The following SDK2 variants were observed in gnomAD, a reference collection of about 807,000 sequenced individuals.
The protein encoded by SDK2 is sidekick cell adhesion molecule 2.
In SDK2, 105 loss-of-function variants were observed where a neutral mutation model predicts 253.9. The ratio of observed to expected loss-of-function variants is 0.41; its 90% CI spans 0.35 to 0.49. The LOEUF (loss-of-function observed/expected upper bound fraction) is 0.49, where lower values mean the gene tolerates loss of function less well. Among genes scored for constraint, SDK2 ranks in the 20% least tolerant of loss-of-function variants. The pLI, the probability that SDK2 is intolerant of heterozygous loss-of-function variation, is 0.06. For missense variants in SDK2, 2,608 were observed against 3,003.0 expected, an observed-to-expected ratio of 0.87 and a Z score of 3.07; for synonymous variants, 1,249 against 1,234.9, an observed-to-expected ratio of 1.01 and a Z score of -0.24.
chr17:73,387,001 C>A (rs2062878007), intron 30 of SDK2, among the ~76,000 whole-genome samples: 1 of 152,172 alleles, frequency 6.6e-6, no homozygotes. Context: ...CACTCTGTTG[C>A]CCAGGCTGGA....
At chr17:73,389,813 G>A (rs1307208734) in intron 29 of SDK2, among the ~76,000 whole-genome samples, 2 of 152,176 alleles carry the variant, frequency 1.3e-5, no homozygotes, top group Non-Finnish European at 2.9e-5. Flanking sequence ...GCAGTGGTGC[G>A]ATCTTGGCTC....
At chr17:73,608,771 C>G (rs914649139) in intron 1 of SDK2, among the ~76,000 whole-genome samples, 1 of 152,064 alleles carries the variant, frequency 6.6e-6, no homozygotes, top group East Asian at 1.9e-4. Context: ...ATGGTACTCT[C>G]AGGAAGCAGC....
intron 1 of SDK2, among the ~76,000 whole-genome samples, chr17:73,605,877 T>G (rs2045901265): frequency 1.3e-5 from 2 of 152,080 alleles, no homozygotes; most frequent in Admixed American, 1.3e-4. Flanking sequence ...GGACTCAGCC[T>G]CCTGCTCTTC....
At chr17:73,452,281 C>A (rs1357866521) in intron 4 of SDK2, among the ~76,000 whole-genome samples, 6 of 152,202 alleles carry the variant, frequency 3.9e-5, no homozygotes, top group Admixed American at 6.5e-5. Flanking sequence ...GCCCTGCACA[C>A]CCCTCTGGCA....
intron 1 of SDK2, among the ~76,000 whole-genome samples, chr17:73,548,345 G>A (rs894806409): frequency 2.6e-4 from 40 of 152,168 alleles, no homozygotes; most frequent in Non-Finnish European, 7.4e-5. Flanking sequence ...CCAGCTGGTG[G>A]TGCGACCTGT....
At chr17:73,387,110 G>A (rs576119157) in intron 30 of SDK2, among the ~76,000 whole-genome samples, 1 of 152,278 alleles carries the variant, frequency 6.6e-6, no homozygotes, top group East Asian at 1.9e-4. Flanking sequence ...ACAGGCATGT[G>A]CTACCACACC....
rs539373614 is a variant in SDK2, at chr17:73,511,053, CT to C, written c.65-3457del. Among the ~76,000 whole-genome samples, 20 of 152,320 alleles carry C rather than the reference CT, an allele frequency of 1.3e-4. No homozygotes were observed. The South Asian group carries it at 4.1e-3, about 32-fold the overall frequency. ...CCCATTTGCCAAGGAAAAGGACCCA[CT>C]GCCCGCCGCCCGGCTGGCAGCAGCC... On this transcript the variant is annotated intron_variant, in intron 1 of 44. Transcript: ENST00000392650. This position sits in a 1 kb window ranked among gnomAD's most constrained non-coding sequence, Gnocchi z 4.9.
chr17:73,338,781 C>T lies in SDK2; in HGVS notation c.6325G>A (p.Glu2109Lys). ...TTGGTGACGGTGGTGTGGTCTGGCT[C>T]ACCCGAGTCGCTCTCCGTGTAGCTG... ...AYSYTESDSG[E>K]PDHTTVTNST... Residue 2109 changes from glutamate (E) to lysine (K), a missense_variant, in exon 45 of 45, where the codon GAG (glutamate) becomes AAG (lysine). Around this residue, in one of 2 missense-constraint regions of SDK2, gnomAD observed 1,103 missense variants for 1,143.9 expected, o/e 0.96. Transcript: ENST00000392650. The surrounding 1 kb of genome is among the most constrained non-coding windows in gnomAD (Gnocchi z 5.0). 2 of 1,613,878 alleles carry T rather than the reference C, an allele frequency of 1.2e-6. No homozygotes were observed. Among genetic ancestry groups the T allele is most frequent in the Non-Finnish European group, 1.7e-6 (2 of 1,179,878 alleles).
chr17:73,343,534 G>C (rs1213574127), intron 44 of SDK2, among the ~76,000 whole-genome samples: 1 of 152,202 alleles, frequency 6.6e-6, no homozygotes, highest in Non-Finnish European at 1.5e-5. Flanking sequence ...CACAAAGGGG[G>C]CCTTTCAGGG....
chr17:73,522,651 C>A (rs891030794), intron 1 of SDK2, among the ~76,000 whole-genome samples: 7 of 152,340 alleles, frequency 4.6e-5, no homozygotes, highest in Admixed American at 3.3e-4. Flanking sequence ...AGGTCAGCAG[C>A]TCCCCTTGCT....
At chr17:73,566,639 C>T (rs1160574499) in intron 1 of SDK2, among the ~76,000 whole-genome samples, 2 of 152,070 alleles carry the variant, frequency 1.3e-5, no homozygotes, top group Non-Finnish European at 2.9e-5. Flanking sequence ...AAAACAAACA[C>T]TTATTAAAAA....
At chr17:73,561,608 G>T (rs1196394719) in intron 1 of SDK2, among the ~76,000 whole-genome samples, 2 of 152,226 alleles carry the variant, frequency 1.3e-5, no homozygotes, top group African/African-American at 4.8e-5. Context: ...CCTGTACGTG[G>T]CTGAGGTCTG....
chr17:73,623,559 G>T (rs1008164691), intron 1 of SDK2, among the ~76,000 whole-genome samples: 7 of 152,186 alleles, frequency 4.6e-5, no homozygotes, highest in African/African-American at 1.7e-4. Flanking sequence ...AAATAAGATG[G>T]TACCCTAACC....
At chr17:73,495,436 C>T (rs1599620253) in intron 2 of SDK2, among the ~76,000 whole-genome samples, 1 of 152,196 alleles carries the variant, frequency 6.6e-6, no homozygotes, top group Non-Finnish European at 1.5e-5. Flanking sequence ...CAGACTCCCA[C>T]CCTCCAACAA....
chr17:73,377,391 G>A (rs2062791620), intron 36 of SDK2, among the ~76,000 whole-genome samples: 2 of 150,798 alleles, frequency 1.3e-5, no homozygotes, highest in Admixed American at 1.3e-4. Flanking sequence ...GATAATTTTT[G>A]TATTTTTAGT....
intron 1 of SDK2, among the ~76,000 whole-genome samples, chr17:73,509,253 C>T (rs549278740): frequency 9.2e-5 from 14 of 152,320 alleles, no homozygotes; most frequent in African/African-American, 3.1e-4. Context: ...GCTACCTTCA[C>T]GTCTAAGGAT....
intron 1 of SDK2, among the ~76,000 whole-genome samples, chr17:73,610,146 A>G (rs979096619): frequency 3.9e-5 from 6 of 152,172 alleles, no homozygotes; most frequent in Non-Finnish European, 8.8e-5. Context: ...CTTTGGACTC[A>G]TTGTTCTCCA....
chr17:73,542,592 C>T (rs1478435269), intron 1 of SDK2, among the ~76,000 whole-genome samples: 1 of 152,156 alleles, frequency 6.6e-6, no homozygotes, highest in Non-Finnish European at 1.5e-5. Context: ...GGCCTCCGTC[C>T]CCTCAACGAG....
At chr17:73,367,715 G>T (rs2062697851) in intron 37 of SDK2, among the ~76,000 whole-genome samples, 1 of 152,036 alleles carries the variant, frequency 6.6e-6, no homozygotes, top group South Asian at 2.1e-4. Context: ...TGTTGGCCAG[G>T]CTGGTCTTAA....
Sources: allele counts gnomAD v4.1 joint callset (sites outside exome capture counted in the v4.1 genomes callset), GRCh38; gene constraint gnomAD v4.1.1; regional missense constraint gnomAD v4.1.1; non-coding constraint Gnocchi (gnomAD v3.1); transcripts MANE v1.5; gene names NCBI Gene and HGNC (gene_info 2026-07-23, HGNC 2026-07-21).